Variants in TTC12 observed in about 807,000 individuals in gnomAD.
TTC12 encodes tetratricopeptide repeat domain 12.
Under a neutral mutation model 90.1 loss-of-function variants are expected in TTC12, and 70 were observed. That is an observed-to-expected ratio of 0.78 (90% CI 0.64 to 0.95). The LOEUF (loss-of-function observed/expected upper bound fraction) is 0.95. TTC12 is among the 40% of genes least tolerant of loss of function. The pLI, the probability that TTC12 is intolerant of heterozygous loss-of-function variation, is 0.00. For synonymous variants in TTC12, 296 were observed against 311.5 expected (o/e 0.95, Z 0.53); for missense variants, 819 against 846.1 (o/e 0.97, Z 0.40).
At chr11:113,369,030 A>G, downstream of TTC12, 1 of 154,220 alleles carries the variant, frequency 6.5e-6, no homozygotes, top group Non-Finnish European at 1.4e-5. Flanking sequence ...TTTAGAGCTG[A>G]CTCCCTTTCC....
downstream of TTC12, chr11:113,368,101 G>A: frequency 2.6e-6 from 3 of 1,146,254 alleles, no homozygotes; most frequent in South Asian, 2.9e-5. Flanking sequence ...CCTCCTTCTT[G>A]GCTCTTGAAA....
chr11:113,354,754 A>G (rs1949524914), intron 16 of TTC12, among the ~76,000 whole-genome samples: 1 of 152,204 alleles, frequency 6.6e-6, no homozygotes, highest in South Asian at 2.1e-4. Flanking sequence ...TTTGTGATGA[A>G]TCACATTTAT....
intron 6 of TTC12, chr11:113,329,630 C>G: frequency 1.9e-6 from 1 of 528,472 alleles, no homozygotes; most frequent in Non-Finnish European, 3.7e-6. Flanking sequence ...CCTTCTGCCC[C>G]TTCCATTACA....
At chr11:113,319,596 G>C (rs1005137018) in intron 2 of TTC12, among the ~76,000 whole-genome samples, 6 of 151,656 alleles carry the variant, frequency 4.0e-5, no homozygotes, top group Admixed American at 3.9e-4. Flanking sequence ...CCGCAAAGTA[G>C]TATGTACTAA....
chr11:113,360,921 C>G (rs1555154733), intron 18 of TTC12, among the ~76,000 whole-genome samples: 1 of 152,186 alleles, frequency 6.6e-6, no homozygotes, highest in Non-Finnish European at 1.5e-5. Flanking sequence ...TTCATCAGAT[C>G]CTCAAAAGAG....
intron 12 of TTC12, 62 bp downstream of exon 12, chr11:113,341,987 G>C: frequency 1.4e-6 from 2 of 1,420,708 alleles, no homozygotes; most frequent in South Asian, 2.3e-5. Flanking sequence ...CTACGCTGTT[G>C]GGTGGACTGT....
chr11:113,336,458 C>T lies in TTC12; in HGVS notation c.576+1421C>T, dbSNP rs144346656. On this transcript the variant is annotated intron_variant, in intron 8 of 21. Coordinates refer to ENST00000529221, the MANE Select transcript of TTC12 (RefSeq NM_017868.4). Reference sequence around the variant, plus strand: ...TATATCTAAGAAAAGATCATCTAATCCAAGGTCAGGAAGATGTATACCTAT... The same window carrying T: ...TATATCTAAGAAAAGATCATCTAATTCAAGGTCAGGAAGATGTATACCTAT... Among the ~76,000 whole-genome samples the T allele has an allele frequency of 5.5e-4, 83 of 152,186 alleles. 1 individual carries two copies. The East Asian group carries it at 0.015, about 28-fold the overall frequency.
intron 2 of TTC12, among the ~76,000 whole-genome samples, chr11:113,316,975 G>A (rs868917528): frequency 1.7e-4 from 26 of 152,194 alleles, no homozygotes; most frequent in African/African-American, 6.3e-4. Flanking sequence ...CAGGCAATAT[G>A]CTGAAATTGC....
Position 113,325,518 on chromosome 11 carries a change from C to T in TTC12, c.323-6C>T. ...GAGCTCACCTGTGTAACTTATATTCCCATAGCCCTAAAAGAAAAAGGGAAT... is the reference window on the plus strand; with the variant it reads ...GAGCTCACCTGTGTAACTTATATTCTCATAGCCCTAAAAGAAAAAGGGAAT... On this transcript the variant is annotated splice_region_variant and splice_polypyrimidine_tract_variant and intron_variant, in intron 5 of 21. Coordinates refer to ENST00000529221, the MANE Select transcript of TTC12 (RefSeq NM_017868.4). The T allele has an allele frequency of 2.5e-6, 4 of 1,613,544 alleles. No individual in the cohort carries two copies. The highest frequency in any genetic ancestry group is 3.4e-6 in the Non-Finnish European group (4 of 1,179,612).
chr11:113,333,959 C>G (rs1948206140), intron 7 of TTC12, among the ~76,000 whole-genome samples: 1 of 152,138 alleles, frequency 6.6e-6, no homozygotes, highest in Admixed American at 6.5e-5. Context: ...AGAGCCACAC[C>G]AAGTGTTTTA....
chr11:113,345,519 G>T (rs1002620172), intron 13 of TTC12, among the ~76,000 whole-genome samples: 12 of 152,152 alleles, frequency 7.9e-5, no homozygotes. Context: ...TTGGGACCCT[G>T]CTGAGCCCTC....
rs564454579 is a variant in TTC12 at position 113,361,132 on chromosome 11, C to T, written c.1614+1124C>T. 2.0e-5 allele frequency among the ~76,000 whole-genome samples: 3 copies of T among 152,304 alleles called. No homozygotes were observed. The South Asian group carries it at 6.2e-4, about 32-fold the overall frequency. ...CCATGGGCATCTGGTCCTTGTCTAG[C>T]ACAGTCTCCACTGTCTTGGGCCTGA... On this transcript the variant is annotated intron_variant, in intron 18 of 21. Transcript: ENST00000529221.
intron 2 of TTC12, among the ~76,000 whole-genome samples, chr11:113,321,993 C>T (rs1042820458): frequency 6.6e-6 from 1 of 152,134 alleles, no homozygotes; most frequent in Non-Finnish European, 1.5e-5. Flanking sequence ...TTTCAAACCA[C>T]TAAGTTTTGA....
intron 2 of TTC12, among the ~76,000 whole-genome samples, chr11:113,316,691 G>C (rs1159405071): frequency 6.6e-6 from 1 of 152,212 alleles, no homozygotes; most frequent in Non-Finnish European, 1.5e-5. Context: ...TTAGAGTAGA[G>C]CCATTTCTGT....
intron 12 of TTC12, among the ~76,000 whole-genome samples, 167 bp downstream of exon 12, chr11:113,342,092 C>T (rs1948717857): frequency 6.6e-6 from 1 of 152,202 alleles, no homozygotes; most frequent in South Asian, 2.1e-4. Flanking sequence ...GCAAGGTAGA[C>T]AGATGAGGAG....
At chr11:113,366,471 T>C, downstream of TTC12, 1 of 1,216,662 alleles carries the variant, frequency 8.2e-7, no homozygotes, top group Non-Finnish European at 1.1e-6. Context: ...GGCTGGCTGC[T>C]GTGGTGGGCT....
downstream of TTC12, among the ~76,000 whole-genome samples, chr11:113,370,499 G>T (rs190006607): frequency 2.7e-4 from 41 of 152,350 alleles, no homozygotes; most frequent in Admixed American, 2.4e-3. Context: ...ACCTGAAGCT[G>T]CTGGATGACT....
chr11:113,327,414 A>T (rs1947760147), intron 6 of TTC12, among the ~76,000 whole-genome samples: 1 of 146,132 alleles, frequency 6.8e-6, no homozygotes, highest in Non-Finnish European at 1.5e-5. Flanking sequence ...GAAAACACTT[A>T]ATAAGGACCC....
At chr11:113,346,318 C>CG (rs1555148121) in intron 13 of TTC12, among the ~76,000 whole-genome samples, 2 of 152,002 alleles carry the variant, frequency 1.3e-5, no homozygotes, top group African/African-American at 2.4e-5. Context: ...TATGATGACA[C>CG]GGGGGGTGAT....
Sources: gnomAD v4.1 joint callset for allele counts (sites outside exome capture counted in the v4.1 genomes callset) on GRCh38, gnomAD v4.1.1 for gene constraint, MANE v1.5 for transcripts, NCBI Gene and HGNC (gene_info 2026-07-23, HGNC 2026-07-21) for gene names.